GJB7: variants seen among roughly 807,000 people sequenced by gnomAD.
The protein encoded by GJB7 is gap junction protein beta 7.
For missense variants in GJB7, 253 were observed against 256.8 expected, an observed-to-expected ratio of 0.99 and a Z score of 0.10; for synonymous variants, 87 against 95.2, an observed-to-expected ratio of 0.91 and a Z score of 0.50.
At chr6:87,305,447 T>C (rs1197150537) in intron 2 of GJB7, among the ~76,000 whole-genome samples, 2 of 151,964 alleles carry the variant, frequency 1.3e-5, no homozygotes, top group African/African-American at 4.8e-5. Context: ...GAGAATAAAA[T>C]ACCTAGGAAT....
rs1562207128 is a variant in GJB7, at chr6:87,284,741, G to GC, written c.171dup (p.Pro58AlafsTer9). ...TCAAAACACACATTTTTGCAACCGG[G>GC]CTGTCTACTGTTGCACTCAAACTCT... On this transcript the variant is annotated frameshift_variant, in exon 3 of 3. Coordinates refer to ENST00000525899, the MANE Select transcript of GJB7 (RefSeq NM_198568.3). LOFTEE classifies it low-confidence loss of function (END_TRUNC). 6.2e-7 allele frequency: 1 copy of GC among 1,614,080 alleles called. No homozygotes were observed.
chr6:87,305,622 A>G (rs1776413065), intron 2 of GJB7, among the ~76,000 whole-genome samples: 1 of 152,230 alleles, frequency 6.6e-6, no homozygotes, highest in South Asian at 2.1e-4. Context: ...TATAGATTCA[A>G]TGCCATCCCC....
chr6:87,316,551 A>G (rs1218588769), intron 2 of GJB7, among the ~76,000 whole-genome samples: 1 of 152,160 alleles, frequency 6.6e-6, no homozygotes, highest in African/African-American at 2.4e-5. Context: ...ACATGATTAG[A>G]TGTATATTTT....
At chr6:87,326,725 GA>G (rs1234252032) in intron 1 of GJB7, among the ~76,000 whole-genome samples, 3 of 124,226 alleles carry the variant, frequency 2.4e-5, no homozygotes, top group Admixed American at 8.0e-5. Context: ...GTGTGGTGCT[GA>G]AAAAAATGTA....
chr6:87,317,105 A>G (rs1362065251), intron 2 of GJB7, among the ~76,000 whole-genome samples: 2 of 151,910 alleles, frequency 1.3e-5, no homozygotes. Flanking sequence ...CTGTAATCTC[A>G]GCACTTTGGG....
intron 2 of GJB7, among the ~76,000 whole-genome samples, chr6:87,312,513 A>G (rs1393477754): frequency 2.0e-5 from 2 of 102,064 alleles, no homozygotes; most frequent in African/African-American, 9.5e-5. Flanking sequence ...TCTGTCTACA[A>G]AAAAAAAAAC....
In GJB7 at chr6:87,299,326, T is replaced by G. The variant is rs560391316; in HGVS notation, c.-27-14387A>C. ...CAACATCATTTCTGATGCAAATAAA[T>G]TTGGAAGAAAGGGTGTCCTCACAGT... is the stretch of plus-strand genomic sequence containing the variant. On this transcript the variant is annotated intron_variant, in intron 2 of 2. Transcript: ENST00000525899. 6.1e-3 allele frequency: 2,881 copies of G among 475,924 alleles called. 67 individuals are homozygous for G. Among genetic ancestry groups the G allele is most frequent in the African/African-American group, 0.05 (2,494 of 50,306 alleles). 29.5% of individuals were successfully genotyped at this position (475,924 alleles called of 1,614,324 possible). A position where few individuals can be genotyped will look rare whatever the true frequency, so the allele number is the denominator to read the frequency against.
At chr6:87,321,065 A>G (rs1776650408) in intron 2 of GJB7, among the ~76,000 whole-genome samples, 1 of 152,098 alleles carries the variant, frequency 6.6e-6, no homozygotes, top group African/African-American at 2.4e-5. Flanking sequence ...TTAAAAATGC[A>G]AAAATTAGCT....
chr6:87,318,458 G>A (rs1776615134), intron 2 of GJB7, among the ~76,000 whole-genome samples: 1 of 152,194 alleles, frequency 6.6e-6, no homozygotes, highest in African/African-American at 2.4e-5. Context: ...AGGCTTGACT[G>A]ACCTCACTCA....
chr6:87,303,720 A>G (rs1014011660), intron 2 of GJB7, among the ~76,000 whole-genome samples: 1 of 152,212 alleles, frequency 6.6e-6, no homozygotes, highest in Non-Finnish European at 1.5e-5. Context: ...AACAGAATAT[A>G]CCTTCTTCTC....
At chr6:87,305,674 T>A (rs1350007157) in intron 2 of GJB7, among the ~76,000 whole-genome samples, 1 of 152,188 alleles carries the variant, frequency 6.6e-6, no homozygotes, top group Non-Finnish European at 1.5e-5. Flanking sequence ...TGGAAAAAGC[T>A]ACTTTAAAGT....
intron 2 of GJB7, among the ~76,000 whole-genome samples, chr6:87,314,375 G>T (rs1374550933): frequency 6.6e-6 from 1 of 152,200 alleles, no homozygotes; most frequent in Non-Finnish European, 1.5e-5. Context: ...TGGGAAGTAG[G>T]TTTGGGCAAG....
At chr6:87,305,139 C>T (rs1776403721) in intron 2 of GJB7, among the ~76,000 whole-genome samples, 1 of 152,148 alleles carries the variant, frequency 6.6e-6, no homozygotes, top group Non-Finnish European at 1.5e-5. Context: ...CCTCTCTCAC[C>T]ACTCCTATTC....
chr6:87,307,703 C>A (rs1342883528), intron 2 of GJB7, among the ~76,000 whole-genome samples: 2 of 151,932 alleles, frequency 1.3e-5, no homozygotes, highest in African/African-American at 2.4e-5. Context: ...TTAGAATGGC[C>A]ATCATTAAAA....
At chr6:87,324,556 G>A (rs531732801) in intron 1 of GJB7, among the ~76,000 whole-genome samples, 4 of 150,666 alleles carry the variant, frequency 2.7e-5, no homozygotes, top group Admixed American at 6.6e-5. Context: ...TTTTTCTCAG[G>A]TTTGTCAAAG....
chr6:87,326,406 G>T (rs546485806), intron 1 of GJB7, among the ~76,000 whole-genome samples: 34 of 151,946 alleles, frequency 2.2e-4, no homozygotes, highest in African/African-American at 8.0e-4. Flanking sequence ...GGGCATTTAG[G>T]GCTATAAATT....
chr6:87,299,809 G>A (rs1363392900), intron 2 of GJB7: 1 of 173,594 alleles, frequency 5.8e-6, no homozygotes, highest in Non-Finnish European at 1.2e-5. Context: ...GACCAAATAT[G>A]ATGCTATGCT....
intron 2 of GJB7, chr6:87,322,134 A>G (rs546971734): frequency 6.6e-6 from 1 of 152,386 alleles, no homozygotes; most frequent in Non-Finnish European, 1.5e-5. Context: ...CTGCACCTGC[A>G]TACATCCTGC....
At chr6:87,290,418 T>C (rs978555915) in intron 2 of GJB7, among the ~76,000 whole-genome samples, 1 of 152,168 alleles carries the variant, frequency 6.6e-6, no homozygotes, top group African/African-American at 2.4e-5. Flanking sequence ...AAACTCTCAT[T>C]CCCCATCTGA....
Sources: gnomAD v4.1 joint callset for allele counts (sites outside exome capture counted in the v4.1 genomes callset) on GRCh38, gnomAD v4.1.1 for gene constraint, MANE v1.5 for transcripts, NCBI Gene and HGNC (gene_info 2026-07-23, HGNC 2026-07-21) for gene names.